SLC5A10: variants seen among roughly 807,000 people sequenced by gnomAD.
The protein encoded by SLC5A10 is sodium/mannose cotransporter SLC5A10.
Under a neutral mutation model 68.9 loss-of-function variants are expected in SLC5A10, and 55 were observed. That is an observed-to-expected ratio of 0.80 (90% CI 0.64 to 1.00). The LOEUF (loss-of-function observed/expected upper bound fraction) is 1.00, where lower values mean the gene tolerates loss of function less well. SLC5A10 is among the 50% of genes least tolerant of loss of function. The pLI, the probability that SLC5A10 is intolerant of heterozygous loss-of-function variation, is 0.00. For missense variants in SLC5A10, 732 were observed against 819.3 expected, an observed-to-expected ratio of 0.89 and a Z score of 1.30; for synonymous variants, 344 against 344.8, an observed-to-expected ratio of 1.00 and a Z score of 0.02.
At chr17:18,952,345 A>G (rs779782239) in intron 1 of SLC5A10, 29 bp downstream of exon 1, 1 of 1,596,658 alleles carries the variant, frequency 6.3e-7, no homozygotes, top group Non-Finnish European at 8.5e-7. Context: ...GTGTTGGCCA[A>G]GTGGGCTCTC....
At chr17:19,007,310 C>T (rs187864457) in intron 9 of SLC5A10, among the ~76,000 whole-genome samples, 27 of 151,252 alleles carry the variant, frequency 1.8e-4, no homozygotes, top group Non-Finnish European at 3.5e-4. Context: ...TATATGCCAT[C>T]TGTTTGTCTT....
In SLC5A10 at chr17:19,000,366, T is replaced by C. The variant is rs1181507126; in HGVS notation, c.983-13044T>C. Among the ~76,000 whole-genome samples, 1 of 152,176 alleles carries C rather than the reference T, an allele frequency of 6.6e-6. No homozygotes were observed. Among genetic ancestry groups the C allele is most frequent in the Non-Finnish European group, 1.5e-5 (1 of 68,026 alleles). Reference sequence around the variant, plus strand: ...CAGTCTTCAATACCTGTTCCCATTTTACAGATGGGATGACCGGGGCTTGGA... The same window carrying C: ...CAGTCTTCAATACCTGTTCCCATTTCACAGATGGGATGACCGGGGCTTGGA... On this transcript the variant is annotated intron_variant, in intron 9 of 14. Transcript: ENST00000395645. The surrounding 1 kb of genome is among the most constrained non-coding windows in gnomAD (Gnocchi z 5.2).
chr17:18,969,413 A>G lies in SLC5A10; in HGVS notation c.631A>G (p.Thr211Ala), dbSNP rs1181387157. 1 of 1,613,726 alleles carries G rather than the reference A, an allele frequency of 6.2e-7. No individual in the cohort carries two copies. Among genetic ancestry groups the G allele is most frequent in the Non-Finnish European group, 8.5e-7 (1 of 1,179,940 alleles). The change falls in exon 7 of 15, where the codon ACA (threonine) becomes GCA (alanine). Residue 211 changes from threonine to alanine, a missense_variant. Transcript: ENST00000395645. ...CATGGTGGTGGGGGCTGTCATCCTG[A>G]CAATCAAAGGTGAGGACAGAGTCTG... is the stretch of plus-strand genomic sequence containing the variant. Reference protein sequence around the residue: ...LIMVVGAVILTIKAFDQIGGY... With the variant: ...LIMVVGAVILAIKAFDQIGGY...
At chr17:18,960,455 C>CG in intron 4 of SLC5A10, 93 bp from the exon 5 acceptor site, 2 of 1,052,468 alleles carry the variant, frequency 1.9e-6, no homozygotes, top group East Asian at 2.6e-5. Context: ...TGCTTTGTGG[C>CG]GGGGGGAGAG....
At chr17:19,019,175 G>A in intron 11 of SLC5A10, 1 of 522,980 alleles carries the variant, frequency 1.9e-6, no homozygotes, top group Non-Finnish European at 3.4e-6. Context: ...AGAGACCCCA[G>A]GGCAGGGAAG....
In SLC5A10 at chr17:19,017,256, C is replaced by A; in HGVS notation, c.1241+2057C>A. 6.5e-7 allele frequency: 1 copy of A among 1,545,554 alleles called. No homozygotes were observed. The highest frequency in any genetic ancestry group is 8.8e-7 in the Non-Finnish European group (1 of 1,141,354). ...GGCCCCGTGCCAGGTGTCAGGCTGG[C>A]CAGCTCAACTTCCCGTCCCTCTTAC... is the stretch of plus-strand genomic sequence containing the variant. On this transcript the variant is annotated intron_variant, in intron 11 of 14. Coordinates refer to ENST00000395645, the MANE Select transcript of SLC5A10 (RefSeq NM_001042450.4). This position sits in a 1 kb window ranked among gnomAD's most constrained non-coding sequence, Gnocchi z 5.6.
In SLC5A10 at chr17:19,021,965, G is replaced by T. The variant is rs1337459900; in HGVS notation, c.*1534G>T. On this transcript the variant is annotated 3_prime_UTR_variant, in exon 15 of 15. Coordinates refer to ENST00000395645, the MANE Select transcript of SLC5A10 (RefSeq NM_001042450.4). The surrounding 1 kb of genome is among the most constrained non-coding windows in gnomAD (Gnocchi z 4.1). ...AGATCGGCCGCCGGGCTGCTCACAG[G>T]TGCACGGGCTGCACGTAACTCCGTG... The T allele has an allele frequency of 2.6e-6, 4 of 1,553,608 alleles. No homozygotes were observed. The highest frequency in any genetic ancestry group is 2.0e-5 in the Admixed American group (1 of 51,090).
chr17:18,977,545 G>A (rs1483693890), intron 9 of SLC5A10: 1 of 1,575,220 alleles, frequency 6.3e-7, no homozygotes, highest in Non-Finnish European at 8.6e-7. Context: ...CTGGCAGGGA[G>A]GGACTCGTGA....
chr17:19,013,241 G>T lies in SLC5A10; in HGVS notation c.983-169G>T, dbSNP rs900277143. ...AGGGAAAAGGATTTTCAGAGGCCAT[G>T]CCCTCCCTGTGGCTCAGATTGTGAA... On this transcript the variant is annotated intron_variant, in intron 9 of 14. Transcript: ENST00000395645. 4 of 1,020,286 alleles carry T rather than the reference G, an allele frequency of 3.9e-6. No individual in the cohort carries two copies. In the African/African-American group the frequency reaches 5.1e-5, roughly 13 times the overall value. 63.2% of individuals were successfully genotyped at this position (1,020,286 alleles called of 1,614,324 possible).
chr17:19,007,380 T>C (rs1198221453), intron 9 of SLC5A10, among the ~76,000 whole-genome samples: 1 of 152,168 alleles, frequency 6.6e-6, no homozygotes, highest in Non-Finnish European at 1.5e-5. Context: ...GTCTATTTTT[T>C]AACTCTTGAG....
In SLC5A10 at chr17:18,971,652, C is replaced by A. The variant is rs138715863; in HGVS notation, c.846+434C>A. On this transcript the variant is annotated intron_variant, in intron 8 of 14. Transcript: ENST00000395645. This position sits in a 1 kb window ranked among gnomAD's most constrained non-coding sequence, Gnocchi z 5.5. Reference sequence around the variant, plus strand: ...CCAGCGTTTCTGGTAGAGCTCTGGACGCTGTCAGCAGCAGAGCGGTACCTA... The same window carrying A: ...CCAGCGTTTCTGGTAGAGCTCTGGAAGCTGTCAGCAGCAGAGCGGTACCTA... 25 of 1,613,362 alleles carry A rather than the reference C, an allele frequency of 1.5e-5. No individual in the cohort carries two copies. In the East Asian group the frequency reaches 5.1e-4, roughly 33 times the overall value.
chr17:18,992,688 C>T (rs1157528413), intron 9 of SLC5A10, among the ~76,000 whole-genome samples: 2 of 152,328 alleles, frequency 1.3e-5, no homozygotes, highest in South Asian at 2.1e-4. Context: ...GCCACACCTG[C>T]GTTCCAGGTC....
Position 19,019,936 on chromosome 17 carries a change from A to G in SLC5A10, c.1626+8A>G, listed in dbSNP as rs764660500. ...CCCCCACAGAGTGTCCAGGTGAGCCAGCCCTGACCCCTGACCCTGACCCCT... is the reference window on the plus strand; with the variant it reads ...CCCCCACAGAGTGTCCAGGTGAGCCGGCCCTGACCCCTGACCCTGACCCCT... On this transcript the variant is annotated splice_region_variant and intron_variant, in intron 13 of 14. Transcript: ENST00000395645. 4 of 1,597,128 alleles carry G rather than the reference A, an allele frequency of 2.5e-6. No individual in the cohort carries two copies. In the South Asian group the frequency reaches 4.5e-5, roughly 18 times the overall value.
At chr17:18,977,907 A>G (rs1208188806) in intron 9 of SLC5A10, 1 of 1,610,260 alleles carries the variant, frequency 6.2e-7, no homozygotes, top group East Asian at 2.2e-5. Context: ...AGGGTTACGT[A>G]GTCGTCATCA....
Position 18,968,945 on chromosome 17 carries a change from C to A in SLC5A10, c.454-107C>A. 1 of 1,060,010 alleles carries A rather than the reference C, an allele frequency of 9.4e-7. No individual in the cohort carries two copies. Among genetic ancestry groups the A allele is most frequent in the Non-Finnish European group, 1.3e-6 (1 of 746,682 alleles). The allele number at this position is 1,060,010 out of a possible 1,614,324, so 65.7% of individuals were successfully genotyped here. ...GCGAGTGGGGGTCTCCCCTCCTTAT[C>A]CACAGGCCACCGAGGCCCAGAGAGG... On this transcript the variant is annotated intron_variant, in intron 5 of 14. Transcript: ENST00000395645. The surrounding 1 kb of genome is among the most constrained non-coding windows in gnomAD (Gnocchi z 4.1).
Position 19,021,818 on chromosome 17 carries a change from G to T in SLC5A10, c.*1387G>T, listed in dbSNP as rs1459750572. The T allele has an allele frequency of 1.2e-6, 1 of 827,862 alleles. No individual in the cohort carries two copies. The highest frequency in any genetic ancestry group is 3.6e-5 in the South Asian group (1 of 28,096). The allele number at this position is 827,862 out of a possible 1,614,324, so 51.3% of individuals were successfully genotyped here. A position where few individuals can be genotyped will look rare whatever the true frequency, so the allele number is the denominator to read the frequency against. On this transcript the variant is annotated 3_prime_UTR_variant, in exon 15 of 15. Coordinates refer to ENST00000395645, the MANE Select transcript of SLC5A10 (RefSeq NM_001042450.4). This position sits in a 1 kb window ranked among gnomAD's most constrained non-coding sequence, Gnocchi z 4.1. ...CCATCCCAGTTTGTGCAGAGCGGCC[G>T]GAGGCAGTTAGGAGCCCACGTTCAG...
At chr17:18,980,699 CA>C (rs916142717) in intron 9 of SLC5A10, among the ~76,000 whole-genome samples, 30 of 152,094 alleles carry the variant, frequency 2.0e-4, no homozygotes, top group Non-Finnish European at 3.8e-4. Flanking sequence ...GGCTGGAACC[CA>C]AGTGTCGAGG....
chr17:19,012,038 A>T (rs991132571), intron 9 of SLC5A10, among the ~76,000 whole-genome samples: 7 of 152,122 alleles, frequency 4.6e-5, no homozygotes, highest in African/African-American at 1.7e-4. Context: ...CAGTGCTGTC[A>T]GTCAGCTTGT....
Position 19,021,929 on chromosome 17 carries a change from G to T in SLC5A10, c.*1498G>T, listed in dbSNP as rs1433660285. 1 of 1,469,992 alleles carries T rather than the reference G, an allele frequency of 6.8e-7. No homozygotes were observed. Among genetic ancestry groups the T allele is most frequent in the Admixed American group, 2.6e-5 (1 of 38,778 alleles). 91.1% of individuals were successfully genotyped at this position (1,469,992 alleles called of 1,614,324 possible). The stretch of plus-strand genomic sequence containing the variant: ...TCTGGACCTCAGTTCCTGTAAAAAG[G>T]CCCGTTGGCCAGATCGGCCGCCGGG... On this transcript the variant is annotated 3_prime_UTR_variant, in exon 15 of 15. Transcript: ENST00000395645. This position sits in a 1 kb window ranked among gnomAD's most constrained non-coding sequence, Gnocchi z 4.1.
Sources: allele counts gnomAD v4.1 joint callset (sites outside exome capture counted in the v4.1 genomes callset), GRCh38; gene constraint gnomAD v4.1.1; non-coding constraint Gnocchi (gnomAD v3.1); transcripts MANE v1.5; gene names NCBI Gene and HGNC (gene_info 2026-07-23, HGNC 2026-07-21).